Variants in PPP6R3 observed in about 807,000 individuals in gnomAD.
PPP6R3 encodes the protein protein phosphatase 6 regulatory subunit 3, also known as serine/threonine-protein phosphatase 6 regulatory subunit 3.
Under a neutral mutation model 110.7 loss-of-function variants are expected in PPP6R3, and 38 were observed. The ratio of observed to expected loss-of-function variants is 0.34; its 90% CI spans 0.26 to 0.45. The LOEUF is 0.45. Ranked by LOEUF, PPP6R3 falls within the 20% of genes least tolerant of loss-of-function variation. PPP6R3 has a pLI of 1.00. For synonymous variants in PPP6R3, 369 were observed against 373.5 expected (o/e 0.99, Z 0.14); for missense variants, 870 against 1,062.4 (o/e 0.82, Z 2.52).
intron 1 of PPP6R3, among the ~76,000 whole-genome samples, chr11:68,488,102 A>C (rs989027207): frequency 9.2e-5 from 14 of 152,302 alleles, no homozygotes; most frequent in African/African-American, 3.4e-4. Flanking sequence ...TTCCTTTATC[A>C]TTATGTAATA....
At chr11:68,609,701 C>T (rs1277781680) in intron 22 of PPP6R3, 2 of 1,576,646 alleles carry the variant, frequency 1.3e-6, no homozygotes, top group East Asian at 2.3e-5. Flanking sequence ...TTGGTTCCCA[C>T]CTGTGTGCGA....
At chr11:68,547,586 C>A (rs2099354429) in intron 4 of PPP6R3, among the ~76,000 whole-genome samples, 1 of 152,138 alleles carries the variant, frequency 6.6e-6, no homozygotes, top group Non-Finnish European at 1.5e-5. Context: ...GTTTGTGTAG[C>A]CAGGTGAGTT....
chr11:68,484,309 C>T (rs2098932852), intron 1 of PPP6R3, among the ~76,000 whole-genome samples: 2 of 152,156 alleles, frequency 1.3e-5, no homozygotes, highest in South Asian at 2.1e-4. Flanking sequence ...GTGGCTGTAC[C>T]ATTTTATATT....
At chr11:68,467,542 C>T (rs998412990) in intron 1 of PPP6R3, among the ~76,000 whole-genome samples, 1 of 152,148 alleles carries the variant, frequency 6.6e-6, no homozygotes, top group African/African-American at 2.4e-5. Context: ...ATTCTGGTGG[C>T]AGAGACACAC....
At chr11:68,572,558 G>A (rs890892465) in intron 12 of PPP6R3, among the ~76,000 whole-genome samples, 1 of 152,118 alleles carries the variant, frequency 6.6e-6, no homozygotes, top group Non-Finnish European at 1.5e-5. Flanking sequence ...ACTCAGTGAA[G>A]ATTGACTCTG....
intron 1 of PPP6R3, among the ~76,000 whole-genome samples, chr11:68,491,328 C>A: frequency 8.1e-6 from 1 of 123,568 alleles, no homozygotes; most frequent in South Asian, 3.2e-4. Context: ...GTGTCTTCAG[C>A]TGTGTGTGTG....
At chr11:68,499,942 T>C (rs2099039487) in intron 1 of PPP6R3, among the ~76,000 whole-genome samples, 1 of 152,218 alleles carries the variant, frequency 6.6e-6, no homozygotes, top group Non-Finnish European at 1.5e-5. Context: ...GTCAGATGTA[T>C]ATATCGTGAA....
intron 4 of PPP6R3, among the ~76,000 whole-genome samples, chr11:68,547,550 T>C (rs976779436): frequency 6.6e-6 from 1 of 152,206 alleles, no homozygotes; most frequent in African/African-American, 2.4e-5. Context: ...TTGGAGTAAA[T>C]TGGTGAAGTC....
intron 1 of PPP6R3, among the ~76,000 whole-genome samples, chr11:68,494,408 CAAA>C (rs35190764): frequency 0.28 from 16,577 of 58,706 alleles, 841 homozygotes; most frequent in Middle Eastern, 0.32. Context: ...CCTGTAATCT[CAAA>C]AAAAAAAAAA....
chr11:68,497,720 C>T (rs1225959661), intron 1 of PPP6R3, among the ~76,000 whole-genome samples: 2 of 152,134 alleles, frequency 1.3e-5, no homozygotes, highest in Non-Finnish European at 2.9e-5. Flanking sequence ...TTTCTTTTCA[C>T]TTCTTGATGG....
intron 1 of PPP6R3, among the ~76,000 whole-genome samples, chr11:68,464,889 T>C (rs2098734733): frequency 6.6e-6 from 1 of 151,976 alleles, no homozygotes; most frequent in Non-Finnish European, 1.5e-5. Context: ...TCAACTTTTT[T>C]TTTTTTTTTT....
chr11:68,514,257 G>A (rs2153547396), intron 1 of PPP6R3, among the ~76,000 whole-genome samples: 1 of 152,154 alleles, frequency 6.6e-6, no homozygotes, highest in Non-Finnish European at 1.5e-5. Flanking sequence ...TTTTTGTAGG[G>A]GTGGGATCTC....
At chr11:68,511,463 AGTGTGT>A (rs111457206) in intron 1 of PPP6R3, among the ~76,000 whole-genome samples, 9 of 138,510 alleles carry the variant, frequency 6.5e-5, no homozygotes, top group South Asian at 2.3e-4. Context: ...ACTGTGTTAG[AGTGTGT>A]GTGTGTGTGT....
intron 1 of PPP6R3, among the ~76,000 whole-genome samples, chr11:68,503,702 G>A (rs1220933788): frequency 1.3e-5 from 2 of 152,208 alleles, no homozygotes; most frequent in South Asian, 4.1e-4. Flanking sequence ...GAGCTGAGTG[G>A]TAGAGAGATC....
At position 68,583,255 on chromosome 11, in the gene PPP6R3, A is replaced by T. The variant is rs1593564657; in HGVS notation, c.1632+126A>T. On this transcript the variant is annotated intron_variant, in intron 15 of 23. Transcript: ENST00000393800. ...TGATTTGGGGTTACTTATTAGTTAG[A>T]CCAAAGCATTTAAAATAGGAAGTGC... The T allele has an allele frequency of 1.6e-5, 11 of 696,088 alleles. No individual in the cohort carries two copies. In the East Asian group the frequency reaches 2.3e-4, roughly 15 times the overall value. 43.1% of individuals were successfully genotyped at this position (696,088 alleles called of 1,614,324 possible). A position where few individuals can be genotyped will look rare whatever the true frequency, so the allele number is the denominator to read the frequency against.
intron 1 of PPP6R3, among the ~76,000 whole-genome samples, chr11:68,471,904 T>C (rs1377249741): frequency 6.7e-6 from 1 of 150,334 alleles, no homozygotes; most frequent in Non-Finnish European, 1.5e-5. Flanking sequence ...TGGGAGCATG[T>C]GGACGTTGGC....
At chr11:68,606,709 T>G (rs1312578589) in intron 22 of PPP6R3, among the ~76,000 whole-genome samples, 1 of 152,198 alleles carries the variant, frequency 6.6e-6, no homozygotes, top group East Asian at 1.9e-4. Context: ...TGCATTCACT[T>G]TAAGATGAAG....
intron 1 of PPP6R3, among the ~76,000 whole-genome samples, chr11:68,491,663 T>C (rs1470461928): frequency 6.6e-6 from 1 of 152,104 alleles, no homozygotes; most frequent in East Asian, 1.9e-4. Context: ...TTTAACTGTT[T>C]GGAGTGTACC....
intron 20 of PPP6R3, among the ~76,000 whole-genome samples, chr11:68,600,845 T>G (rs548003868): frequency 2.2e-4 from 33 of 152,272 alleles, no homozygotes; most frequent in African/African-American, 7.7e-4. Flanking sequence ...AGGAATGAGG[T>G]GAAGCCAAGA....
Sources: allele counts gnomAD v4.1 joint callset (sites outside exome capture counted in the v4.1 genomes callset), GRCh38; gene constraint gnomAD v4.1.1; transcripts MANE v1.5; gene names NCBI Gene and HGNC (gene_info 2026-07-23, HGNC 2026-07-21).